The following CALN1 variants were observed in gnomAD, a reference collection of about 807,000 sequenced individuals.
The protein encoded by CALN1 is calneuron 1.
A neutral mutation model predicts 30.6 loss-of-function variants in CALN1; 17 were observed. That is an observed-to-expected ratio of 0.56 (90% CI 0.38 to 0.83). The LOEUF (loss-of-function observed/expected upper bound fraction) is 0.83. Among genes scored for constraint, CALN1 ranks in the 40% least tolerant of loss-of-function variants. The pLI, the probability that CALN1 is intolerant of heterozygous loss-of-function variation, is 0.00. For synonymous variants in CALN1, 156 were observed against 131.4 expected, an observed-to-expected ratio of 1.19 and a Z score of -1.28; for missense variants, 291 against 354.9, an observed-to-expected ratio of 0.82 and a Z score of 1.45.
At chr7:72,109,675 G>A (rs1029909495) in intron 3 of CALN1, among the ~76,000 whole-genome samples, 5 of 152,216 alleles carry the variant, frequency 3.3e-5, no homozygotes, top group African/African-American at 1.2e-4. Context: ...TTGAGGTCAT[G>A]GCACACTGTG....
intron 2 of CALN1, among the ~76,000 whole-genome samples, chr7:72,319,645 T>C (rs2129557164): frequency 6.6e-6 from 1 of 151,364 alleles, no homozygotes; most frequent in South Asian, 2.1e-4. Flanking sequence ...GTGAAATAAG[T>C]CAGAATACTA....
At chr7:72,314,391 A>ATACACATATG (rs1800285818) in intron 2 of CALN1, among the ~76,000 whole-genome samples, 1 of 149,984 alleles carries the variant, frequency 6.7e-6, no homozygotes, top group Non-Finnish European at 1.5e-5. Context: ...ATACACATAT[A>ATACACATATG]TATACACATA....
intron 2 of CALN1, among the ~76,000 whole-genome samples, chr7:72,283,086 T>C (rs1229678441): frequency 6.6e-6 from 1 of 151,438 alleles, no homozygotes; most frequent in Non-Finnish European, 1.5e-5. Flanking sequence ...CAGCACTTTC[T>C]AGTCAAAAAC....
chr7:72,432,925 T>C (rs1808021704), intron 1 of CALN1, among the ~76,000 whole-genome samples: 1 of 152,216 alleles, frequency 6.6e-6, no homozygotes, highest in African/African-American at 2.4e-5. Flanking sequence ...ATTCATGTAA[T>C]CGTGTTATCT....
At chr7:71,874,795 T>C (rs1584421558) in intron 5 of CALN1, among the ~76,000 whole-genome samples, 1 of 149,970 alleles carries the variant, frequency 6.7e-6, no homozygotes, top group Non-Finnish European at 1.5e-5. Flanking sequence ...ACGGCCAGAG[T>C]GGGAACTCAG....
At chr7:72,149,237 G>A (rs1055433128) in intron 3 of CALN1, among the ~76,000 whole-genome samples, 3 of 152,082 alleles carry the variant, frequency 2.0e-5, no homozygotes, top group Admixed American at 6.6e-5. Context: ...AGACCGAGGC[G>A]GGTGGATCAC....
At chr7:72,486,555 T>C in the CALN1 span, among the ~76,000 whole-genome samples, 1 of 152,052 alleles carries the variant, frequency 6.6e-6, no homozygotes, top group Non-Finnish European at 1.5e-5. Flanking sequence ...ATATTTTTGG[T>C]AGAGACTGAG....
At chr7:72,308,893 T>C (rs1799849068) in intron 2 of CALN1, among the ~76,000 whole-genome samples, 1 of 152,086 alleles carries the variant, frequency 6.6e-6, no homozygotes, top group African/African-American at 2.4e-5. Flanking sequence ...CAAAGGAAAA[T>C]TTTGCATGAA....
chr7:72,188,750 A>C (rs1326837016), intron 3 of CALN1, among the ~76,000 whole-genome samples: 1 of 152,186 alleles, frequency 6.6e-6, no homozygotes, highest in Non-Finnish European at 1.5e-5. Flanking sequence ...GCAAAAAAGA[A>C]AACCCATCCT....
At chr7:71,827,664 C>A (rs1788996414) in intron 5 of CALN1, among the ~76,000 whole-genome samples, 1 of 151,858 alleles carries the variant, frequency 6.6e-6, no homozygotes, top group African/African-American at 2.4e-5. Context: ...CCCAGCTACT[C>A]AGGAGGCTGA....
intron 3 of CALN1, among the ~76,000 whole-genome samples, chr7:72,195,331 C>T (rs1323426810): frequency 6.6e-6 from 1 of 152,172 alleles, no homozygotes; most frequent in Non-Finnish European, 1.5e-5. Flanking sequence ...TATTTAAGTG[C>T]ATAACTTTCC....
chr7:71,791,761 G>A (rs1442118783), intron 6 of CALN1, among the ~76,000 whole-genome samples: 1 of 152,212 alleles, frequency 6.6e-6, no homozygotes, highest in African/African-American at 2.4e-5. Context: ...TGTAATCTCA[G>A]CACTTTGGGA....
chr7:72,335,212 G>A (rs77275219), intron 2 of CALN1, among the ~76,000 whole-genome samples: 2,074 of 152,290 alleles, frequency 0.014, 61 homozygotes, highest in African/African-American at 0.047. Context: ...AAGGAGAGCT[G>A]GAATGGGGCT....
chr7:72,298,809 A>G (rs1333697923), intron 2 of CALN1, among the ~76,000 whole-genome samples: 1 of 151,564 alleles, frequency 6.6e-6, no homozygotes, highest in Non-Finnish European at 1.5e-5. Context: ...GTTTTAAAAA[A>G]AAAAAAAAAG....
At chr7:72,491,013 G>A in the CALN1 span, among the ~76,000 whole-genome samples, 5 of 152,162 alleles carry the variant, frequency 3.3e-5, no homozygotes, top group Non-Finnish European at 7.4e-5. Context: ...GGGAGGCCGA[G>A]GCGGGTGGAT....
chr7:72,006,663 AAGG>A (rs1158306111), intron 5 of CALN1, among the ~76,000 whole-genome samples: 2 of 152,190 alleles, frequency 1.3e-5, no homozygotes, highest in African/African-American at 4.8e-5. Context: ...AATATTAGAA[AAGG>A]AGGATTCAAG....
chr7:72,132,287 C>T (rs994901344), intron 3 of CALN1, among the ~76,000 whole-genome samples: 4 of 152,146 alleles, frequency 2.6e-5, no homozygotes, highest in Admixed American at 2.0e-4. Flanking sequence ...TTGGGCAAAA[C>T]CATCTAACAT....
At chr7:72,410,735 T>C (rs577384659) in intron 1 of CALN1, among the ~76,000 whole-genome samples, 1 of 152,118 alleles carries the variant, frequency 6.6e-6, no homozygotes, top group Non-Finnish European at 1.5e-5. Context: ...CAGAGTAAAA[T>C]AGGGAACTAT....
intron 5 of CALN1, among the ~76,000 whole-genome samples, chr7:71,943,269 A>G (rs1398915732): frequency 6.6e-6 from 1 of 152,190 alleles, no homozygotes; most frequent in Admixed American, 6.5e-5. Context: ...GCGAAACAAC[A>G]CAGTATATTT....
Sources: allele counts gnomAD v4.1 joint callset (sites outside exome capture counted in the v4.1 genomes callset), GRCh38; gene constraint gnomAD v4.1.1; transcripts MANE v1.5; gene names NCBI Gene and HGNC (gene_info 2026-07-23, HGNC 2026-07-21).